ABTB2: variants seen among roughly 807,000 people sequenced by gnomAD.
The protein encoded by ABTB2 is ankyrin repeat and BTB domain containing 2.
A neutral mutation model predicts 104.1 loss-of-function variants in ABTB2; 56 were observed. The observed-to-expected ratio is 0.54, with a 90% CI of 0.43 to 0.67. The LOEUF is 0.67. Among genes scored for constraint, ABTB2 ranks in the 30% least tolerant of loss-of-function variants. The pLI, the probability that ABTB2 is intolerant of heterozygous loss-of-function variation, is 0.00. For missense variants in ABTB2, 1,279 were observed against 1,407.7 expected, an observed-to-expected ratio of 0.91 and a Z score of 1.46; for synonymous variants, 606 against 608.2, an observed-to-expected ratio of 1.00 and a Z score of 0.05.
At chr11:34,170,851 G>A (rs1428455985) in intron 5 of ABTB2, 55 bp downstream of exon 5, 1 of 1,584,548 alleles carries the variant, frequency 6.3e-7, no homozygotes, top group East Asian at 2.2e-5. Flanking sequence ...GCTGGGAGCT[G>A]AGAATTCCCA....
intron 3 of ABTB2, among the ~76,000 whole-genome samples, chr11:34,184,944 T>C (rs914616683): frequency 2.0e-5 from 3 of 151,854 alleles, no homozygotes; most frequent in Non-Finnish European, 4.4e-5. Context: ...CAAACATACC[T>C]CCCTCCCGAG....
chr11:34,357,325 G>T lies in ABTB2; in HGVS notation c.259C>A (p.Arg87Ser). 6.6e-7 allele frequency: 1 copy of T among 1,518,002 alleles called. No individual in the cohort carries two copies. Among genetic ancestry groups the T allele is most frequent in the East Asian group, 2.5e-5 (1 of 39,930 alleles). 94.0% of individuals were successfully genotyped at this position (1,518,002 alleles called of 1,614,324 possible). ...EDPEVADLFS[R>S]CPRLPELEEF... ...TCCAGCTCGGGGAGCCGCGGACAGC[G>T]CGAGAAGAGGTCGGCCACTTCGGGG... Residue 87 changes from arginine to serine, a missense_variant, in exon 1 of 17, where the codon CGC becomes AGC. By Grantham distance (110) the Arg-to-Ser change is moderately radical (BLOSUM62 -1). Transcript: ENST00000435224.
At chr11:34,273,733 C>G (rs78138847) in intron 1 of ABTB2, among the ~76,000 whole-genome samples, 8 of 152,006 alleles carry the variant, frequency 5.3e-5, no homozygotes, top group Non-Finnish European at 1.2e-4. Context: ...TGCACTAGTA[C>G]TGGGGCAACG....
chr11:34,214,120 A>G (rs11032556), intron 1 of ABTB2, among the ~76,000 whole-genome samples: 28,029 of 146,338 alleles, frequency 0.19, 2,740 homozygotes, highest in East Asian at 0.27. Context: ...CCACTTTTCT[A>G]TTAAGGCAGC....
intron 5 of ABTB2, among the ~76,000 whole-genome samples, chr11:34,168,900 CAAGT>C (rs1400692563): frequency 6.6e-6 from 1 of 152,224 alleles, no homozygotes; most frequent in African/African-American, 2.4e-5. Context: ...TGGATCCCAG[CAAGT>C]GTTTGCCTGG....
intron 1 of ABTB2, among the ~76,000 whole-genome samples, chr11:34,312,140 C>CAAAAAAA (rs67673538): frequency 2.7e-5 from 3 of 111,154 alleles, no homozygotes; most frequent in Admixed American, 9.5e-5. Context: ...GACTCCATCT[C>CAAAAAAA]AAAAAAAAAA....
chr11:34,270,228 T>C (rs1220593719), intron 1 of ABTB2, among the ~76,000 whole-genome samples: 2 of 152,142 alleles, frequency 1.3e-5, no homozygotes, highest in Non-Finnish European at 2.9e-5. Flanking sequence ...GGACTAGATG[T>C]AACACTGGCC....
intron 3 of ABTB2, among the ~76,000 whole-genome samples, chr11:34,196,852 A>C (rs1304166533): frequency 6.6e-6 from 1 of 152,246 alleles, no homozygotes; most frequent in Non-Finnish European, 1.5e-5. Flanking sequence ...AGGACCCCTC[A>C]TAACAATGAC....
chr11:34,344,870 G>T (rs1855311118), intron 1 of ABTB2, among the ~76,000 whole-genome samples: 1 of 152,228 alleles, frequency 6.6e-6, no homozygotes, highest in South Asian at 2.1e-4. Context: ...GTGCAGTCCT[G>T]CTTCTTCCAT....
At chr11:34,303,492 TTTTC>T (rs1854732353) in intron 1 of ABTB2, among the ~76,000 whole-genome samples, 1 of 152,158 alleles carries the variant, frequency 6.6e-6, no homozygotes, top group Non-Finnish European at 1.5e-5. Flanking sequence ...GAAATCCAAT[TTTTC>T]TTTCTTTAAC....
At chr11:34,326,704 G>T (rs545375178) in intron 1 of ABTB2, among the ~76,000 whole-genome samples, 1 of 150,942 alleles carries the variant, frequency 6.6e-6, no homozygotes, top group East Asian at 1.9e-4. Context: ...AGAACAAACA[G>T]AAACAAATAA....
At chr11:34,339,138 A>G (rs1437283494) in intron 1 of ABTB2, among the ~76,000 whole-genome samples, 1 of 152,166 alleles carries the variant, frequency 6.6e-6, no homozygotes, top group Non-Finnish European at 1.5e-5. Context: ...ATTTCTCGTC[A>G]TCTTGACCAG....
At chr11:34,270,200 C>T (rs1052413421) in intron 1 of ABTB2, among the ~76,000 whole-genome samples, 1 of 152,186 alleles carries the variant, frequency 6.6e-6, no homozygotes, top group African/African-American at 2.4e-5. Flanking sequence ...CTCTAGAATC[C>T]TAGCTCCCCG....
intron 1 of ABTB2, among the ~76,000 whole-genome samples, chr11:34,346,968 AG>A (rs1855339529): frequency 6.6e-6 from 1 of 152,238 alleles, no homozygotes; most frequent in East Asian, 1.9e-4. Context: ...TTTCAATAAA[AG>A]CTTGGCCTCA....
At chr11:34,288,242 A>G (rs144573537) in intron 1 of ABTB2, among the ~76,000 whole-genome samples, 3 of 152,334 alleles carry the variant, frequency 2.0e-5, no homozygotes, top group African/African-American at 7.2e-5. Context: ...TATAACCACT[A>G]TTTAGACTAC....
Position 34,318,605 on chromosome 11 carries a change from C to T in ABTB2, c.883+38096G>A, listed in dbSNP as rs140897299. ...ACCTGAGTCTCAGCTACTAAATACA[C>T]AATGACGTCATAATAAAAATTCCAA... On this transcript the variant is annotated intron_variant, in intron 1 of 16. Coordinates refer to ENST00000435224, the MANE Select transcript of ABTB2 (RefSeq NM_145804.3). Among the ~76,000 whole-genome samples, 8 of 152,296 alleles carry T rather than the reference C, an allele frequency of 5.3e-5. No homozygotes were observed. The East Asian group carries it at 1.2e-3, about 22-fold the overall frequency.
chr11:34,220,697 C>T lies in ABTB2; in HGVS notation c.884-16007G>A, dbSNP rs78183531. On this transcript the variant is annotated intron_variant, in intron 1 of 16. Coordinates refer to ENST00000435224, the MANE Select transcript of ABTB2 (RefSeq NM_145804.3). The stretch of plus-strand genomic sequence containing the variant: ...AAAAGACACCAGGCACTGCCTATCC[C>T]TGAACCTCTTGTTGCAAAAATAAAA... 6.2e-3 allele frequency among the ~76,000 whole-genome samples: 947 copies of T among 152,336 alleles called. 12 individuals carry two copies. Among genetic ancestry groups the T allele is most frequent in the African/African-American group, 0.021 (873 of 41,568 alleles).
chr11:34,271,634 T>C (rs1358222155), intron 1 of ABTB2, among the ~76,000 whole-genome samples: 1 of 152,094 alleles, frequency 6.6e-6, no homozygotes, highest in Non-Finnish European at 1.5e-5. Context: ...CTTGGGAGGC[T>C]GAGGTAGGAG....
At chr11:34,335,457 T>C in intron 1 of ABTB2, 1 of 792,058 alleles carries the variant, frequency 1.3e-6, no homozygotes, top group Non-Finnish European at 2.2e-6. Flanking sequence ...CATATTATTC[T>C]TAGTTTTCTG....
Sources: allele counts gnomAD v4.1 joint callset (sites outside exome capture counted in the v4.1 genomes callset), GRCh38; gene constraint gnomAD v4.1.1; transcripts MANE v1.5; gene names NCBI Gene and HGNC (gene_info 2026-07-23, HGNC 2026-07-21).